The following KMT2D variants were observed in gnomAD, a reference collection of about 807,000 sequenced individuals.
KMT2D encodes the protein histone-lysine N-methyltransferase 2D.
Under a neutral mutation model 512.7 loss-of-function variants are expected in KMT2D, and 55 were observed. The observed-to-expected ratio is 0.11, with a 90% CI of 0.09 to 0.13. The LOEUF (loss-of-function observed/expected upper bound fraction) is 0.13. Among genes scored for constraint, KMT2D ranks in the 10% least tolerant of loss-of-function variants. The pLI is 1.00. For synonymous variants in KMT2D, 2,995 were observed against 2,904.0 expected, an observed-to-expected ratio of 1.03 and a Z score of -1.01; for missense variants, 6,061 against 7,127.9, an observed-to-expected ratio of 0.85 and a Z score of 5.39.
chr12:49,046,638 G>C lies in KMT2D; in HGVS notation c.4389C>G (p.Thr1463=), dbSNP rs372775501. 6.2e-7 allele frequency: 1 copy of C among 1,613,222 alleles called. No individual in the cohort carries two copies. Among genetic ancestry groups the C allele is most frequent in the Non-Finnish European group, 8.5e-7 (1 of 1,179,400 alleles). ...HTYCLDPPLL[T]VPKGGWKCKW... ...TGCACTTCCAGCCGCCCTTGGGGAC[G>C]GTGAGCAGTGGGGGGTCCAGGCAGT... Residue 1463 remains threonine, a synonymous_variant, in exon 16 of 55, where the codon ACC becomes ACG. Transcript: ENST00000301067. This position sits in a 1 kb window ranked among gnomAD's most constrained non-coding sequence, Gnocchi z 4.2.
chr12:49,040,562 A>G lies in KMT2D; in HGVS notation c.7208T>C (p.Leu2403Pro), dbSNP rs2120530749. The change falls in exon 32 of 55, where the codon CTG becomes CCG. Residue 2403 changes from leucine to proline, a missense_variant. This residue lies in a region of KMT2D where 710 missense variants were observed against 647.3 expected (regional missense o/e 1.10). Transcript: ENST00000301067. ...CACTCGGGAGAAAGGGTCGGAGGGC[A>G]GTGAGCGAGGGGGCAGAGCACAGCA... ...ESCCALPPRS[L>P]PSDPFSRVPA... 1 of 1,612,050 alleles carries G rather than the reference A, an allele frequency of 6.2e-7. No individual in the cohort carries two copies. The highest frequency in any genetic ancestry group is 8.5e-7 in the Non-Finnish European group (1 of 1,178,680).
In KMT2D at chr12:49,051,540, G is replaced by C. The variant is rs927287904; in HGVS notation, c.2143C>G (p.Leu715Val). 16 of 1,612,948 alleles carry C rather than the reference G, an allele frequency of 9.9e-6. No individual in the cohort carries two copies. Among genetic ancestry groups the C allele is most frequent in the African/African-American group, 1.3e-5 (1 of 74,880 alleles). The change falls in exon 11 of 55, where the codon CTC (leucine) becomes GTC (valine). Residue 715 changes from leucine to valine, a missense_variant. By Grantham distance (32) the Leu-to-Val change is conservative. Transcript: ENST00000301067. ...SPASPPPEDSLMSLPLEESPL... is the reference protein window; with the variant it reads ...SPASPPPEDSVMSLPLEESPL... ...GACTCCTCCAGCGGCAGGGACATGA[G>C]CGAGTCCTCCGGTGGTGGGGAAGCA... is the stretch of plus-strand genomic sequence containing the variant.
At position 49,024,518 on chromosome 12, in the gene KMT2D, C is replaced by T; in HGVS notation, c.16052+60G>A. On this transcript the variant is annotated intron_variant, in intron 51 of 54. Transcript: ENST00000301067. This position sits in a 1 kb window ranked among gnomAD's most constrained non-coding sequence, Gnocchi z 4.5. ...TGTATCCTAAATCCTCATAATGGGA[C>T]CAGAGGATCCCTGTCAACACCCACA... The T allele has an allele frequency of 6.5e-7, 1 of 1,542,610 alleles. No individual in the cohort carries two copies.
chr12:49,044,026 C>G lies in KMT2D; in HGVS notation c.5189-28G>C, dbSNP rs771415047. Reference sequence around the variant, plus strand: ...GTGGACAGAACGGAAGTGTCAGACTCGGGTTGAGAGCATGCTGCTCCCAAC... The same window carrying G: ...GTGGACAGAACGGAAGTGTCAGACTGGGGTTGAGAGCATGCTGCTCCCAAC... On this transcript the variant is annotated intron_variant, in intron 22 of 54. Transcript: ENST00000301067. The surrounding 1 kb of genome is among the most constrained non-coding windows in gnomAD (Gnocchi z 6.4). 3.7e-6 allele frequency: 6 copies of G among 1,612,642 alleles called. No homozygotes were observed. The highest frequency in any genetic ancestry group is 1.1e-5 in the South Asian group (1 of 91,054).
chr12:49,028,168 GA>G, intron 46 of KMT2D, 27 bp from the exon 47 acceptor site: 1 of 1,613,646 alleles, frequency 6.2e-7, no homozygotes, highest in Non-Finnish European at 8.5e-7. Context: ...AGGGATGGAA[GA>G]AACATATCAG....
At position 49,031,162 on chromosome 12, in the gene KMT2D, TCA is replaced by T. The variant is rs1942889034; in HGVS notation, c.13530+11_13530+12del. The T allele has an allele frequency of 2.5e-6, 4 of 1,607,136 alleles. No individual in the cohort carries two copies. The highest frequency in any genetic ancestry group is 3.4e-6 in the Non-Finnish European group (4 of 1,176,066). Reference sequence around the variant, plus strand: ...ACCCACTCTACCTGCTCCACTCTACTCAGAGTACTCACCTCCTTGTTGCTGGG... The same window carrying T: ...ACCCACTCTACCTGCTCCACTCTACTGAGTACTCACCTCCTTGTTGCTGGG... On this transcript the variant is annotated intron_variant, in intron 40 of 54. Coordinates refer to ENST00000301067, the MANE Select transcript of KMT2D (RefSeq NM_003482.4).
chr12:49,039,531 T>C lies in KMT2D; in HGVS notation c.8133A>G (p.Ala2711=), dbSNP rs2120512510. Residue 2711 remains alanine (A), a synonymous_variant, in exon 33 of 55, where the codon GCA becomes GCG. Coordinates refer to ENST00000301067, the MANE Select transcript of KMT2D (RefSeq NM_003482.4). This position sits in a 1 kb window ranked among gnomAD's most constrained non-coding sequence, Gnocchi z 5.0. The stretch of plus-strand genomic sequence containing the variant: ...AGCTGCCTGGAGGCCCCACTGCTCC[T>C]GCAGCTGCTGCAGCTGTTTCCTTCT... ...RQEKETAAAA[A]GAVGPPGSWG... is the part of the protein sequence containing the mutation. 1 of 1,611,592 alleles carries C rather than the reference T, an allele frequency of 6.2e-7. No individual in the cohort carries two copies. Among genetic ancestry groups the C allele is most frequent in the Non-Finnish European group, 8.5e-7 (1 of 1,179,276 alleles).
At chr12:49,029,509 T>C in intron 43 of KMT2D, 33 bp from the exon 44 acceptor site, 1 of 1,516,850 alleles carries the variant, frequency 6.6e-7, no homozygotes, top group Non-Finnish European at 9.0e-7. Context: ...AAAAGTCAGG[T>C]GAGGGTGGCC....
chr12:49,044,376 C>A lies in KMT2D; in HGVS notation c.5083+27G>T, dbSNP rs1255490400. ...TGAGCTGCCCCGCACCACCCCACCA[C>A]CCCACAACCCCATCCCAGGACCTCA... On this transcript the variant is annotated intron_variant, in intron 21 of 54. Transcript: ENST00000301067. This position sits in a 1 kb window ranked among gnomAD's most constrained non-coding sequence, Gnocchi z 6.4. 3 of 1,613,632 alleles carry A rather than the reference C, an allele frequency of 1.9e-6. No individual in the cohort carries two copies. The highest frequency in any genetic ancestry group is 1.3e-5 in the African/African-American group (1 of 74,862).
In KMT2D at chr12:49,028,922, A is replaced by G. The variant is rs1439538551; in HGVS notation, c.14288T>C (p.Leu4763Pro). 4 of 1,614,066 alleles carry G rather than the reference A, an allele frequency of 2.5e-6. No homozygotes were observed. Among genetic ancestry groups the G allele is most frequent in the Non-Finnish European group, 3.4e-6 (4 of 1,179,902 alleles). ...PDTKPYGALG[L>P]EVPGKLPVTT... ...GACAGGCAGCTTTCCAGGGACCTCC[A>G]GGCCAAGGGCCCCATAAGGTTTGGT... Residue 4763 changes from leucine (L) to proline (P), a missense_variant, in exon 46 of 55, where the codon CTG (leucine) becomes CCG (proline). This residue lies in a region of KMT2D where 1,600 missense variants were observed against 1,754.9 expected (regional missense o/e 0.91). Coordinates refer to ENST00000301067, the MANE Select transcript of KMT2D (RefSeq NM_003482.4).
rs1342105628 is a variant in KMT2D, at chr12:49,032,030, G to A, written c.12675C>T (p.Leu4225=). The A allele has an allele frequency of 6.2e-7, 1 of 1,611,928 alleles. No homozygotes were observed. Among genetic ancestry groups the A allele is most frequent in the South Asian group, 1.1e-5 (1 of 90,994 alleles). The change falls in exon 40 of 55, where the codon CTC becomes CTT. Residue 4225 remains leucine (L), a synonymous_variant. Transcript: ENST00000301067. The part of the protein sequence containing the change: ...SPQQQQQLQA[L]LMQRQLQQSQ... ...TCTGCTGCAGCTGCCGCTGCATGAGGAGTGCCTGTAGCTGCTGCTGCTGCT... is the reference window on the plus strand; with the variant it reads ...TCTGCTGCAGCTGCCGCTGCATGAGAAGTGCCTGTAGCTGCTGCTGCTGCT...
At chr12:49,043,036 A>C in intron 26 of KMT2D, 40 bp downstream of exon 26, 1 of 1,586,650 alleles carries the variant, frequency 6.3e-7, no homozygotes, top group Non-Finnish European at 8.7e-7. Context: ...TCTCCCATAG[A>C]AAACCCTTAT....
At chr12:49,055,102 AT>A in intron 2 of KMT2D, 76 bp from the exon 3 acceptor site, 2 of 1,594,978 alleles carry the variant, frequency 1.3e-6, no homozygotes, top group Non-Finnish European at 1.7e-6. Flanking sequence ...GACGCATGAG[AT>A]TATCCAAAAC....
At position 49,030,806 on chromosome 12, in the gene KMT2D, C is replaced by G. The variant is rs780959660; in HGVS notation, c.13672-38G>C. Reference sequence around the variant, plus strand: ...AGATGACAAAGTTCAAAACCTGCAGCGTTTGCATCGCTGTCTTGCACAGCT... The same window carrying G: ...AGATGACAAAGTTCAAAACCTGCAGGGTTTGCATCGCTGTCTTGCACAGCT... On this transcript the variant is annotated intron_variant, in intron 41 of 54. Transcript: ENST00000301067. The G allele has an allele frequency of 5.6e-6, 9 of 1,612,628 alleles. No homozygotes were observed. In the South Asian group the frequency reaches 8.8e-5, roughly 16 times the overall value.
At chr12:49,055,490 AC>A in intron 1 of KMT2D, 129 bp from the exon 2 acceptor site, 1 of 601,324 alleles carries the variant, frequency 1.7e-6, no homozygotes, top group Non-Finnish European at 2.9e-6. Context: ...AAACTCCTAT[AC>A]TGACAAGAAA....
chr12:49,031,329 C>G lies in KMT2D; in HGVS notation c.13376G>C (p.Gly4459Ala). ...GAGTAGCTTCTGCAAGAGCAGATGC[C>G]CAGCTTCTGAGCGAGGGCCTGCCAG... ...LLLAGPRSEA[G>A]HLLLQKLLRA... The change falls in exon 40 of 55, where the codon GGG becomes GCG. Residue 4459 changes from glycine to alanine, a missense_variant. Around this residue, in one of 16 missense-constraint regions of KMT2D, gnomAD observed 1,600 missense variants for 1,754.9 expected, o/e 0.91. Coordinates refer to ENST00000301067, the MANE Select transcript of KMT2D (RefSeq NM_003482.4). 6.2e-7 allele frequency: 1 copy of G among 1,613,594 alleles called. No individual in the cohort carries two copies. The highest frequency in any genetic ancestry group is 1.1e-5 in the South Asian group (1 of 91,084).
Position 49,054,341 on chromosome 12 carries a change from C to G in KMT2D, c.476G>C (p.Gly159Ala). Reference sequence around the variant, plus strand: ...CCCTGAGAAGATGGCCTTGTCCACACCACATAGTTCTGGGCCCTCCTGCCC... The same window carrying G: ...CCCTGAGAAGATGGCCTTGTCCACAGCACATAGTTCTGGGCCCTCCTGCCC... ...VWGQEGPELC[G>A]VDKAIFSGIS... The change falls in exon 5 of 55, where the codon GGT becomes GCT. Residue 159 changes from glycine to alanine, a missense_variant. By Grantham distance (60) the Gly-to-Ala change is moderately conservative. Transcript: ENST00000301067. This position sits in a 1 kb window ranked among gnomAD's most constrained non-coding sequence, Gnocchi z 6.4. 4 of 1,597,216 alleles carry G rather than the reference C, an allele frequency of 2.5e-6. No homozygotes were observed. Among genetic ancestry groups the G allele is most frequent in the Non-Finnish European group, 3.4e-6 (4 of 1,172,054 alleles).
In KMT2D at chr12:49,040,181, G is replaced by A. The variant is rs773982820; in HGVS notation, c.7589C>T (p.Thr2530Ile). The change falls in exon 32 of 55, where the codon ACC (threonine) becomes ATC (isoleucine). Residue 2530 changes from threonine to isoleucine, a missense_variant. Thr to Ile is a moderately conservative substitution (Grantham distance 89). This residue lies in a region of KMT2D where 710 missense variants were observed against 647.3 expected (regional missense o/e 1.10). Coordinates refer to ENST00000301067, the MANE Select transcript of KMT2D (RefSeq NM_003482.4). The stretch of plus-strand genomic sequence containing the variant: ...GAAAGTGAAACGCATGGGAGAGGGG[G>A]TGCCCACAAATGCACCCGTCCCAGG... ...RSPGTGAFVG[T>I]PSPMRFTFPQ... The A allele has an allele frequency of 1.5e-5, 25 of 1,613,596 alleles. No individual in the cohort carries two copies. The Admixed American group carries it at 4.0e-4, about 26-fold the overall frequency.
At chr12:49,043,018 C>G (rs1306024674) in intron 26 of KMT2D, 58 bp downstream of exon 26, 2 of 1,558,824 alleles carry the variant, frequency 1.3e-6, no homozygotes, top group East Asian at 2.2e-5. Flanking sequence ...AAGATAGGAC[C>G]TCCTCCTTCT....
Sources: gnomAD v4.1 joint callset for allele counts on GRCh38, gnomAD v4.1.1 for gene constraint, gnomAD v4.1.1 regional missense constraint, Gnocchi (gnomAD v3.1) non-coding constraint, MANE v1.5 for transcripts, NCBI Gene and HGNC (gene_info 2026-07-23, HGNC 2026-07-21) for gene names.